The following RAD51 variants were observed in gnomAD, a reference collection of about 807,000 sequenced individuals.
RAD51 encodes DNA repair protein RAD51 homolog 1.
Under a neutral mutation model 41.5 loss-of-function variants are expected in RAD51, and 14 were observed. The observed-to-expected ratio is 0.34, with a 90% confidence interval of 0.22 to 0.53. The LOEUF (loss-of-function observed/expected upper bound fraction) is 0.53. Ranked by LOEUF, RAD51 falls within the 20% of genes least tolerant of loss-of-function variation. The probability of loss-of-function intolerance (pLI) is 0.95; values close to 1 mark genes in which losing one functional copy is unlikely to be tolerated. For synonymous variants in RAD51, 136 were observed against 148.6 expected, an observed-to-expected ratio of 0.92 and a Z score of 0.62; for missense variants, 234 against 422.0, an observed-to-expected ratio of 0.55 and a Z score of 3.90.
chr15:40,719,002 C>A, intron 6 of RAD51, 103 bp downstream of exon 6: 1 of 1,049,348 alleles, frequency 9.5e-7, no homozygotes, highest in Non-Finnish European at 1.5e-6. Flanking sequence ...AACCCCACGT[C>A]CCAAAGTTGT....
intron 6 of RAD51, among the ~76,000 whole-genome samples, chr15:40,720,965 T>G (rs1051253541): frequency 6.6e-6 from 1 of 152,224 alleles, no homozygotes; most frequent in Admixed American, 6.5e-5. Flanking sequence ...GCGGATCACC[T>G]GAGGTCAGGA....
intron 5 of RAD51, among the ~76,000 whole-genome samples, chr15:40,713,681 A>G (rs1895836987): frequency 6.9e-6 from 1 of 144,094 alleles, no homozygotes; most frequent in Admixed American, 7.2e-5. Flanking sequence ...ATCTCTGCTC[A>G]CTGCAAGCTC....
chr15:40,705,195 G>A (rs957469551), intron 3 of RAD51, among the ~76,000 whole-genome samples: 10 of 152,102 alleles, frequency 6.6e-5, no homozygotes, highest in Admixed American at 1.3e-4. Context: ...GTATATCTTC[G>A]TTTTCATTCA....
At chr15:40,719,962 CAA>C (rs1196821530) in intron 6 of RAD51, among the ~76,000 whole-genome samples, 2 of 151,950 alleles carry the variant, frequency 1.3e-5, no homozygotes, top group African/African-American at 4.8e-5. Flanking sequence ...TAACATGAAA[CAA>C]AAACTGAATT....
chr15:40,717,428 T>C (rs1268213007), intron 5 of RAD51, among the ~76,000 whole-genome samples: 1 of 152,246 alleles, frequency 6.6e-6, no homozygotes, highest in Admixed American at 6.5e-5. Flanking sequence ...ATGGGAATTA[T>C]GACTCCAAAG....
At chr15:40,711,137 G>A (rs752487847) in intron 5 of RAD51, among the ~76,000 whole-genome samples, 2 of 152,226 alleles carry the variant, frequency 1.3e-5, no homozygotes, top group Non-Finnish European at 2.9e-5. Context: ...TTTCATGCCT[G>A]TAATCCCAGT....
intron 4 of RAD51, among the ~76,000 whole-genome samples, chr15:40,708,112 G>T (rs1236354067): frequency 6.8e-6 from 1 of 146,854 alleles, no homozygotes; most frequent in Non-Finnish European, 1.5e-5. Context: ...TCCGCCCCCA[G>T]GTTCAAGCTA....
intron 9 of RAD51, among the ~76,000 whole-genome samples, 197 bp downstream of exon 9, chr15:40,730,171 G>C (rs1248210375): frequency 1.3e-5 from 2 of 152,116 alleles, no homozygotes; most frequent in Non-Finnish European, 2.9e-5. Context: ...CCACAAGTGT[G>C]GAAGAATGAA....
At chr15:40,729,765 C>T (rs1395514017) in intron 8 of RAD51, 88 bp from the exon 9 acceptor site, 23 of 1,610,448 alleles carry the variant, frequency 1.4e-5, no homozygotes, top group South Asian at 7.7e-5. Context: ...ATTAGTTATT[C>T]GTTATTTTGT....
At chr15:40,696,694 G>T (rs1894659427) in intron 1 of RAD51, among the ~76,000 whole-genome samples, 1 of 152,182 alleles carries the variant, frequency 6.6e-6, no homozygotes, top group South Asian at 2.1e-4. Flanking sequence ...AACTAATGTT[G>T]CTTGTTTTTG....
intron 2 of RAD51, among the ~76,000 whole-genome samples, chr15:40,699,362 C>T (rs527612810): frequency 3.3e-5 from 5 of 152,326 alleles, no homozygotes; most frequent in South Asian, 4.1e-4. Context: ...AGGCTAGTCT[C>T]GAACTCCTGA....
intron 1 of RAD51, among the ~76,000 whole-genome samples, chr15:40,698,151 C>T (rs1201438943): frequency 6.6e-6 from 1 of 151,822 alleles, no homozygotes; most frequent in Non-Finnish European, 1.5e-5. Flanking sequence ...CTCTGGTTAC[C>T]ACTGTTCTAT....
chr15:40,706,320 G>A (rs1567041535), intron 4 of RAD51, 26 bp downstream of exon 4: 1 of 1,521,536 alleles, frequency 6.6e-7, no homozygotes. Flanking sequence ...ATCCTGTGTT[G>A]TGAACTCTAG....
chr15:40,726,892 G>A (rs755457693), intron 6 of RAD51, among the ~76,000 whole-genome samples: 148 of 142,146 alleles, frequency 1.0e-3, no homozygotes, highest in Non-Finnish European at 1.6e-3. Context: ...CAGCCTGGGC[G>A]ACAGAGTGAG....
intron 2 of RAD51, among the ~76,000 whole-genome samples, chr15:40,700,669 T>A (rs1304760169): frequency 6.6e-6 from 1 of 152,222 alleles, no homozygotes; most frequent in East Asian, 1.9e-4. Flanking sequence ...GTTAATTTGT[T>A]ATTAAGTACC....
At chr15:40,697,772 C>G (rs1034327485) in intron 1 of RAD51, among the ~76,000 whole-genome samples, 14 of 150,500 alleles carry the variant, frequency 9.3e-5, no homozygotes, top group African/African-American at 3.4e-4. Context: ...AGGATGGTCT[C>G]GATCTCCTGA....
chr15:40,708,896 T>A, intron 4 of RAD51, 129 bp from the exon 5 acceptor site: 1 of 866,110 alleles, frequency 1.2e-6, no homozygotes, highest in Non-Finnish European at 1.9e-6. Flanking sequence ...TGTGAAAAAT[T>A]ATCGCTTGTT....
intron 3 of RAD51, among the ~76,000 whole-genome samples, chr15:40,702,326 ATCTTT>A (rs1223784614): frequency 6.6e-6 from 1 of 152,046 alleles, no homozygotes; most frequent in Non-Finnish European, 1.5e-5. Context: ...TGCTGACAGG[ATCTTT>A]TCTTTTTGCC....
chr15:40,696,455 C>T (rs529676729), intron 1 of RAD51, among the ~76,000 whole-genome samples: 6 of 152,110 alleles, frequency 3.9e-5, no homozygotes, highest in African/African-American at 1.4e-4. Flanking sequence ...CACCTGTAGG[C>T]CCAGCTATTC....
Sources: allele counts gnomAD v4.1 joint callset (sites outside exome capture counted in the v4.1 genomes callset), GRCh38; gene constraint gnomAD v4.1.1; transcripts MANE v1.5; gene names NCBI Gene and HGNC (gene_info 2026-07-23, HGNC 2026-07-21).